Variants in GFPT1 observed in about 807,000 individuals in gnomAD.
GFPT1 encodes the protein glutamine--fructose-6-phosphate transaminase 1.
A neutral mutation model predicts 92.0 loss-of-function variants in GFPT1; 40 were observed. The ratio of observed to expected loss-of-function variants is 0.43; its 90% confidence interval spans 0.34 to 0.57. The LOEUF (loss-of-function observed/expected upper bound fraction) is 0.57. Among genes scored for constraint, GFPT1 ranks in the 20% least tolerant of loss-of-function variants. The pLI is 0.02. For synonymous variants in GFPT1, 269 were observed against 280.6 expected (o/e 0.96, Z 0.41); for missense variants, 448 against 869.1 (o/e 0.52, Z 6.09).
chr2:69,382,741 T>C (rs1043103008), intron 1 of GFPT1, among the ~76,000 whole-genome samples: 6 of 152,174 alleles, frequency 3.9e-5, no homozygotes, highest in Non-Finnish European at 2.9e-5. Context: ...CATATGCCAT[T>C]AATGATTACC....
chr2:69,340,883 T>G (rs1174680575), intron 13 of GFPT1, among the ~76,000 whole-genome samples: 1 of 152,210 alleles, frequency 6.6e-6, no homozygotes, highest in Non-Finnish European at 1.5e-5. Flanking sequence ...AATTTTCTAT[T>G]TCTGAATACA....
intron 1 of GFPT1, among the ~76,000 whole-genome samples, chr2:69,380,290 C>T (rs1456527563): frequency 1.3e-5 from 2 of 151,898 alleles, no homozygotes; most frequent in Admixed American, 6.6e-5. Context: ...TGAAGTGGGC[C>T]GAGATTGCGC....
chr2:69,384,954 T>A (rs1017327608), intron 1 of GFPT1, among the ~76,000 whole-genome samples: 1 of 152,140 alleles, frequency 6.6e-6, no homozygotes, highest in Admixed American at 6.5e-5. Flanking sequence ...ATAATGACAC[T>A]CATCTTCTTA....
intron 1 of GFPT1, among the ~76,000 whole-genome samples, chr2:69,385,114 ACT>A (rs1672102514): frequency 6.6e-6 from 1 of 152,166 alleles, no homozygotes; most frequent in African/African-American, 2.4e-5. Context: ...CAGCCGTAAA[ACT>A]CTATGGAATG....
intron 1 of GFPT1, among the ~76,000 whole-genome samples, chr2:69,386,661 A>G (rs1672135109): frequency 6.6e-6 from 1 of 152,228 alleles, no homozygotes; most frequent in African/African-American, 2.4e-5. Flanking sequence ...ATGCAAGGTA[A>G]GTTCAAGAGA....
intron 15 of GFPT1, among the ~76,000 whole-genome samples, chr2:69,336,642 A>G (rs540326599): frequency 6.6e-6 from 1 of 151,966 alleles, no homozygotes; most frequent in Admixed American, 6.6e-5. Flanking sequence ...TCTTAAAAAA[A>G]AAAAAAAAAC....
intron 1 of GFPT1, among the ~76,000 whole-genome samples, chr2:69,383,507 A>G (rs1672058409): frequency 6.6e-6 from 1 of 152,268 alleles, no homozygotes; most frequent in Admixed American, 6.5e-5. Flanking sequence ...TAGACAGTAT[A>G]ATTACAAAAA....
At position 69,324,759 on chromosome 2, in the gene GFPT1, C is replaced by T. The variant is rs1670490593; in HGVS notation, c.*1430G>A. The T allele has an allele frequency of 6.6e-6, 1 of 152,074 alleles. No individual in the cohort carries two copies. The highest frequency in any genetic ancestry group is 2.1e-4 in the South Asian group (1 of 4,820). The allele number at this position is 152,074 out of a possible 1,614,324, so 9.4% of individuals were successfully genotyped here. A position where few individuals can be genotyped will look rare whatever the true frequency, so the allele number is the denominator to read the frequency against. On this transcript the variant is annotated 3_prime_UTR_variant, in exon 20 of 20. Transcript: ENST00000357308. ...TATCTTCACAATTTAAAAGTAAAAA[C>T]CTTTGAAAAAGAAGGACTTCACCAA... is the stretch of plus-strand genomic sequence containing the variant.
At position 69,322,155 on chromosome 2, in the gene GFPT1, TG is replaced by T. The variant is rs1365063169; in HGVS notation, c.*4033del. 6.6e-6 allele frequency: 1 copy of T among 152,218 alleles called. No homozygotes were observed. The highest frequency in any genetic ancestry group is 1.5e-5 in the Non-Finnish European group (1 of 68,032). 9.4% of individuals were successfully genotyped at this position (152,218 alleles called of 1,614,324 possible). A position where few individuals can be genotyped will look rare whatever the true frequency, so the allele number is the denominator to read the frequency against. ...TAAAGTAATCTGAAACCTGTTTCCA[TG>T]GGTAAAACACTCTGCCTGGTATTCT... On this transcript the variant is annotated 3_prime_UTR_variant, in exon 20 of 20. Transcript: ENST00000357308.
At chr2:69,338,077 C>A (rs1444417612) in intron 14 of GFPT1, 22 bp from the exon 15 acceptor site, 6 of 1,611,516 alleles carry the variant, frequency 3.7e-6, no homozygotes, top group South Asian at 1.1e-5. Flanking sequence ...GTAGGCCAAC[C>A]ATAACACACA....
In GFPT1 at chr2:69,377,426, G is replaced by A. The variant is rs913213059; in HGVS notation, c.8-3313C>T. Among the ~76,000 whole-genome samples, 55 of 150,368 alleles carry A rather than the reference G, an allele frequency of 3.7e-4. No individual in the cohort carries two copies. The South Asian group carries it at 4.2e-3, about 12-fold the overall frequency. ...GACACTTTGGGAGGCCGAGGCGGGC[G>A]GATCACGAGGTCAGGAGTTCAAGAC... On this transcript the variant is annotated intron_variant, in intron 1 of 19. Transcript: ENST00000357308.
At chr2:69,374,713 T>C (rs577469674) in intron 1 of GFPT1, among the ~76,000 whole-genome samples, 1 of 152,312 alleles carries the variant, frequency 6.6e-6, no homozygotes, top group South Asian at 2.1e-4. Context: ...ATGGTTTATG[T>C]CCTATATACA....
In GFPT1 at chr2:69,350,463, C is replaced by T. The variant is rs151016351; in HGVS notation, c.740-280G>A. On this transcript the variant is annotated intron_variant, in intron 9 of 19. Transcript: ENST00000357308. The stretch of plus-strand genomic sequence containing the variant: ...TAATATTTATTTTCCAGGTAAAAGA[C>T]AAGTAATTCCTTAATATTAACCGGT... 2.9e-3 allele frequency among the ~76,000 whole-genome samples: 444 copies of T among 151,998 alleles called. 3 individuals are homozygous for T. The highest frequency in any genetic ancestry group is 8.4e-3 in the African/African-American group (350 of 41,438).
intron 15 of GFPT1, among the ~76,000 whole-genome samples, chr2:69,335,517 C>A (rs963167115): frequency 6.6e-6 from 1 of 152,140 alleles, no homozygotes; most frequent in African/African-American, 2.4e-5. Context: ...CACGTTGTAG[C>A]CCTTGTTTCA....
intron 3 of GFPT1, among the ~76,000 whole-genome samples, chr2:69,366,943 T>C (rs1671626262): frequency 1.3e-5 from 2 of 152,336 alleles, no homozygotes; most frequent in South Asian, 4.1e-4. Context: ...TTAAATTTGC[T>C]GGGAATAATG....
intron 12 of GFPT1, among the ~76,000 whole-genome samples, chr2:69,342,631 T>C (rs531982227): frequency 2.0e-5 from 3 of 152,244 alleles, no homozygotes; most frequent in East Asian, 3.9e-4. Flanking sequence ...TTGACAACAA[T>C]AGGGTGCAAG....
intron 14 of GFPT1, 99 bp downstream of exon 14, chr2:69,338,346 A>C (rs1670854230): frequency 1.0e-6 from 1 of 989,240 alleles, no homozygotes. Flanking sequence ...AGTCATCTGC[A>C]ATGCCAGTTT....
intron 13 of GFPT1, among the ~76,000 whole-genome samples, chr2:69,341,067 TCCTG>T (rs1335375611): frequency 2.6e-5 from 4 of 151,830 alleles, no homozygotes; most frequent in East Asian, 3.9e-4. Context: ...CAAGCGATCC[TCCTG>T]CCTCAGCCTC....
intron 9 of GFPT1, among the ~76,000 whole-genome samples, chr2:69,352,673 T>G (rs943195946): frequency 6.6e-6 from 1 of 151,258 alleles, no homozygotes; most frequent in African/African-American, 2.4e-5. Context: ...CTAATAGGCT[T>G]GAGTTTCACT....
Sources: gnomAD v4.1 joint callset for allele counts (sites outside exome capture counted in the v4.1 genomes callset) on GRCh38, gnomAD v4.1.1 for gene constraint, MANE v1.5 for transcripts, NCBI Gene and HGNC (gene_info 2026-07-23, HGNC 2026-07-21) for gene names.